PRH1: variants seen among roughly 807,000 people sequenced by gnomAD.
PRH1 encodes the protein salivary acidic proline-rich phosphoprotein 1/2.
PRH1 carries 7 observed loss-of-function variants against 7.9 expected under a neutral mutation model. The observed-to-expected ratio is 0.89, with a 90% CI of 0.50 to 1.67. The LOEUF is 1.67. PRH1 is among the 40% of genes most tolerant of loss of function. The probability of loss-of-function intolerance (pLI) is 0.00; values close to 1 mark genes in which losing one functional copy is unlikely to be tolerated. For missense variants in PRH1, 109 were observed against 223.6 expected, an observed-to-expected ratio of 0.49 and a Z score of 3.27; for synonymous variants, 45 against 80.8, an observed-to-expected ratio of 0.56 and a Z score of 2.38.
At chr12:11,111,055 A>G (rs188312749) in intron 1 of PRH1, among the ~76,000 whole-genome samples, 1 of 152,342 alleles carries the variant, frequency 6.6e-6, no homozygotes, top group African/African-American at 2.4e-5. Flanking sequence ...AAAGACAAAG[A>G]GGAGAATTAC....
intron 2 of PRH1, among the ~76,000 whole-genome samples, chr12:10,951,633 C>T (rs2135914717): frequency 6.6e-6 from 1 of 152,244 alleles, no homozygotes; most frequent in African/African-American, 2.4e-5. Context: ...TCGAACTGAT[C>T]TCGCATCCTT....
At chr12:10,906,698 T>C (rs1282377551) in intron 2 of PRH1, among the ~76,000 whole-genome samples, 1 of 152,186 alleles carries the variant, frequency 6.6e-6, no homozygotes, top group Non-Finnish European at 1.5e-5. Context: ...TCATTCTCTC[T>C]TCACTGCCAC....
At chr12:11,105,079 C>G (rs548696268) in intron 1 of PRH1, among the ~76,000 whole-genome samples, 31 of 151,694 alleles carry the variant, frequency 2.0e-4, no homozygotes, top group Non-Finnish European at 4.0e-4. Flanking sequence ...TGTAATTATA[C>G]TGGAGATACT....
chr12:11,106,525 T>C (rs989261577), intron 1 of PRH1, among the ~76,000 whole-genome samples: 14 of 152,200 alleles, frequency 9.2e-5, no homozygotes, highest in Admixed American at 2.0e-4. Flanking sequence ...TACTCAGCAA[T>C]TGTGTAACTA....
chr12:10,956,290 G>C (rs2135924219), intron 2 of PRH1, among the ~76,000 whole-genome samples: 1 of 152,202 alleles, frequency 6.6e-6, no homozygotes, highest in South Asian at 2.1e-4. Flanking sequence ...CAATATATGT[G>C]ATTCATCACA....
At chr12:11,037,909 G>T (rs1439685237) in intron 1 of PRH1, among the ~76,000 whole-genome samples, 5 of 152,184 alleles carry the variant, frequency 3.3e-5, no homozygotes, top group Non-Finnish European at 7.3e-5. Context: ...GGGTGTGGTG[G>T]TGCACACCTG....
intron 1 of PRH1, among the ~76,000 whole-genome samples, chr12:10,995,861 CT>C: frequency 6.6e-6 from 1 of 152,104 alleles, no homozygotes; most frequent in Admixed American, 6.5e-5. Flanking sequence ...TTTCTTCATC[CT>C]TTTTATAGAA....
chr12:11,138,085 T>C (rs1215315055), intron 1 of PRH1, among the ~76,000 whole-genome samples: 1 of 152,176 alleles, frequency 6.6e-6, no homozygotes, highest in Non-Finnish European at 1.5e-5. Context: ...TTTATTTTAT[T>C]ATACTTTAAA....
chr12:11,171,547 T>C, upstream of PRH1: 5 of 1,232,182 alleles, frequency 4.1e-6, no homozygotes, highest in Non-Finnish European at 5.1e-6. Context: ...AACATCCGAT[T>C]GCAGGTACAT....
At chr12:11,055,613 T>C (rs1037941121) in intron 1 of PRH1, among the ~76,000 whole-genome samples, 15 of 152,314 alleles carry the variant, frequency 9.8e-5, no homozygotes, top group African/African-American at 3.4e-4. Flanking sequence ...TGTTATAAGA[T>C]AAAATGTTTC....
At chr12:10,962,840 G>A (rs1938308690) in intron 2 of PRH1, among the ~76,000 whole-genome samples, 10 of 152,182 alleles carry the variant, frequency 6.6e-5, no homozygotes, top group Admixed American at 6.5e-4. Flanking sequence ...CGCGATCTCG[G>A]CTCACTGCAA....
chr12:11,140,588 T>A (rs1349590082), intron 1 of PRH1, among the ~76,000 whole-genome samples: 1 of 152,040 alleles, frequency 6.6e-6, no homozygotes, highest in Non-Finnish European at 1.5e-5. Context: ...ATGGAAAACA[T>A]GATAATTTCC....
At position 11,025,658 on chromosome 12, in the gene PRH1, G is replaced by A. The variant is rs564054430; in HGVS notation, c.-126+21362C>T. 3.3e-5 allele frequency among the ~76,000 whole-genome samples: 5 copies of A among 152,404 alleles called. No homozygotes were observed. In the East Asian group the frequency reaches 9.6e-4, roughly 29 times the overall value. ...TCTCCTCTAATCTTACAGAACTCCAGAAGTATGTTAGGTGTTCTGTCTGTA... is the reference window on the plus strand; with the variant it reads ...TCTCCTCTAATCTTACAGAACTCCAAAAGTATGTTAGGTGTTCTGTCTGTA... On this transcript the variant is annotated intron_variant, in intron 1 of 3. Coordinates refer to the PRH1 transcript ENST00000539853.
At chr12:11,154,941 A>AT (rs1004468288) in intron 1 of PRH1, among the ~76,000 whole-genome samples, 1 of 151,910 alleles carries the variant, frequency 6.6e-6, no homozygotes, top group African/African-American at 2.4e-5. Context: ...TTTCAGTATC[A>AT]TTTTCTGAGC....
At chr12:11,153,697 G>A (rs1326256547) in intron 1 of PRH1, among the ~76,000 whole-genome samples, 4 of 152,048 alleles carry the variant, frequency 2.6e-5, no homozygotes, top group South Asian at 2.1e-4. Flanking sequence ...TTAAATATAT[G>A]ATAACACTCA....
intron 1 of PRH1, among the ~76,000 whole-genome samples, chr12:11,081,576 G>C (rs188925803): frequency 8.6e-6 from 1 of 116,242 alleles, no homozygotes; most frequent in Non-Finnish European, 2.0e-5. Context: ...GATGTGAGTA[G>C]CTTTTTTTGG....
At chr12:11,170,798 C>A (rs1947811202) in intron 1 of PRH1, among the ~76,000 whole-genome samples, 1 of 152,090 alleles carries the variant, frequency 6.6e-6, no homozygotes, top group South Asian at 2.1e-4. Context: ...TTAAATATTC[C>A]TAATAAATAG....
chr12:10,962,797 T>C (rs1283591216), intron 2 of PRH1, among the ~76,000 whole-genome samples: 1 of 152,190 alleles, frequency 6.6e-6, no homozygotes, highest in Admixed American at 6.5e-5. Flanking sequence ...TGAGACGGAG[T>C]CTCGCTCTGT....
intron 1 of PRH1, chr12:11,022,538 G>T (rs1399122177): frequency 2.5e-6 from 4 of 1,612,626 alleles, no homozygotes; most frequent in Non-Finnish European, 3.4e-6. Flanking sequence ...AACACTACCA[G>T]AATTGATGAA....
Sources: allele counts gnomAD v4.1 joint callset (sites outside exome capture counted in the v4.1 genomes callset), GRCh38; gene constraint gnomAD v4.1.1; transcripts MANE v1.5; gene names NCBI Gene and HGNC (gene_info 2026-07-23, HGNC 2026-07-21).